Variants in PLA2G5 observed in about 807,000 individuals in gnomAD.
PLA2G5 encodes the protein phospholipase A2 group V.
In PLA2G5, 12 loss-of-function variants were observed where a neutral mutation model predicts 15.9. The ratio of observed to expected loss-of-function variants is 0.76; its 90% CI spans 0.48 to 1.23. The LOEUF is 1.23. Among genes scored for constraint, PLA2G5 ranks in the 50% most tolerant of loss-of-function variants. PLA2G5 has a pLI of 0.00. For synonymous variants in PLA2G5, 71 were observed against 71.4 expected, an observed-to-expected ratio of 0.99 and a Z score of 0.03; for missense variants, 169 against 177.1, an observed-to-expected ratio of 0.95 and a Z score of 0.26.
At chr1:20,087,474 A>G (rs548155950) in intron 3 of PLA2G5, among the ~76,000 whole-genome samples, 9 of 152,160 alleles carry the variant, frequency 5.9e-5, no homozygotes, top group African/African-American at 2.2e-4. Flanking sequence ...GCTCACTGCA[A>G]GCTCCGCCTC....
rs1313921934 is a variant in PLA2G5, at chr1:20,070,272, C to G, written c.-204C>G. ...TCCCCACCTCCGGGTTTGTCCTCAT[C>G]ATCGGTCACTCCCATTCACAGCTTT... On this transcript the variant is annotated 5_prime_UTR_variant, in exon 1 of 5. The change creates a new upstream start codon in the 5' untranslated region. Transcript: ENST00000375108. The G allele has an allele frequency of 2.0e-6, 2 of 985,482 alleles. No homozygotes were observed. Among genetic ancestry groups the G allele is most frequent in the Non-Finnish European group, 2.4e-6 (2 of 829,952 alleles). The allele number at this position is 985,482 out of a possible 1,614,324, so 61.0% of individuals were successfully genotyped here.
intron 1 of PLA2G5, among the ~76,000 whole-genome samples, chr1:20,038,890 C>T (rs2013430251): frequency 6.6e-6 from 1 of 152,210 alleles, no homozygotes; most frequent in Non-Finnish European, 1.5e-5. Flanking sequence ...GCGTCAAGGG[C>T]TTTTGGAGTC....
chr1:20,078,972 A>G (rs2015850423), intron 1 of PLA2G5, among the ~76,000 whole-genome samples: 1 of 152,008 alleles, frequency 6.6e-6, no homozygotes, highest in South Asian at 2.1e-4. Flanking sequence ...TTAGCCAGGC[A>G]TGGTGGTGCC....
intron 1 of PLA2G5, among the ~76,000 whole-genome samples, chr1:20,084,073 A>G (rs1352043405): frequency 6.6e-6 from 1 of 151,960 alleles, no homozygotes; most frequent in African/African-American, 2.4e-5. Context: ...GTCAAAAATA[A>G]TTATGTGAAT....
At chr1:20,034,514 C>A (rs1417716828) in intron 1 of PLA2G5, among the ~76,000 whole-genome samples, 1 of 152,134 alleles carries the variant, frequency 6.6e-6, no homozygotes, top group Non-Finnish European at 1.5e-5. Context: ...AGAAGTAAGA[C>A]CCATCTGGTT....
chr1:20,056,963 A>T (rs2014461504), intron 1 of PLA2G5, among the ~76,000 whole-genome samples: 1 of 152,160 alleles, frequency 6.6e-6, no homozygotes, highest in Non-Finnish European at 1.5e-5. Flanking sequence ...CTTTCAAGGA[A>T]TTGGTCCATT....
chr1:20,047,416 C>A (rs959535673), intron 1 of PLA2G5, among the ~76,000 whole-genome samples: 1 of 151,978 alleles, frequency 6.6e-6, no homozygotes. Flanking sequence ...GAGAATGACT[C>A]CTCTGTGAGC....
At chr1:20,060,863 A>G (rs2014691439) in intron 2 of PLA2G5, among the ~76,000 whole-genome samples, 1 of 150,572 alleles carries the variant, frequency 6.6e-6, no homozygotes, top group South Asian at 2.1e-4. Flanking sequence ...GATTACAGGC[A>G]TGAGCCACCA....
At chr1:20,079,632 TC>T (rs1376631339) in intron 1 of PLA2G5, among the ~76,000 whole-genome samples, 1 of 152,188 alleles carries the variant, frequency 6.6e-6, no homozygotes, top group Non-Finnish European at 1.5e-5. Context: ...CACCTGAGCC[TC>T]CCAGGGTGAG....
upstream of PLA2G5, chr1:20,069,138 A>G: frequency 2.3e-6 from 1 of 433,992 alleles, no homozygotes; most frequent in Non-Finnish European, 4.6e-6. Context: ...CAAATGTGAT[A>G]TTATCAAGTG....
Position 20,062,633 on chromosome 1 carries a change from A to AAAAC in PLA2G5, n.337+2958_337+2961dup, listed in dbSNP as rs558927908. On this transcript the variant is annotated intron_variant and non_coding_transcript_variant, in intron 2 of 6. Transcript: ENST00000460175. ...ACATAGGGAAACCTCGTTAAGTATTAAAACAAACAAACAAACAAACCACCA... is the reference window on the plus strand; with the variant it reads ...ACATAGGGAAACCTCGTTAAGTATTAAAACAAACAAACAAACAAACAAACCACCA... Among the ~76,000 whole-genome samples, 443 of 152,290 alleles carry AAAAC rather than the reference A, an allele frequency of 2.9e-3. 2 individuals carry two copies. Among genetic ancestry groups the AAAAC allele is most frequent in the African/African-American group, 8.3e-3 (347 of 41,566 alleles).
Position 20,089,793 on chromosome 1 carries a change from T to C in PLA2G5, c.190T>C (p.Cys64Arg), listed in dbSNP as rs1284822815. 1 of 1,613,604 alleles carries C rather than the reference T, an allele frequency of 6.2e-7. No homozygotes were observed. Among genetic ancestry groups the C allele is most frequent in the African/African-American group, 1.3e-5 (1 of 74,926 alleles). Residue 64 changes from cysteine to arginine, a missense_variant, in exon 4 of 5, where the codon TGT becomes CGT. Cys to Arg is a radical substitution (Grantham distance 180). Transcript: ENST00000375108. ...CTAAGTCTCTTGCACGGACAGGTGCTGTTGGGCGCATGACCACTGCTATGG... is the reference window on the plus strand; with the variant it reads ...CTAAGTCTCTTGCACGGACAGGTGCCGTTGGGCGCATGACCACTGCTATGG... ...GTPKDGTDWC[C>R]WAHDHCYGRL...
intron 2 of PLA2G5, among the ~76,000 whole-genome samples, chr1:20,061,857 A>T (rs1248785473): frequency 6.6e-6 from 1 of 152,204 alleles, no homozygotes; most frequent in Non-Finnish European, 1.5e-5. Flanking sequence ...GGGGTCTCTA[A>T]GGATAGAGGC....
rs182044782 is a variant in PLA2G5, at chr1:20,036,727, A to G, written n.276+8018A>G. Among the ~76,000 whole-genome samples, 541 of 152,204 alleles carry G rather than the reference A, an allele frequency of 3.6e-3. 2 individuals are homozygous for G. The highest frequency in any genetic ancestry group is 0.012 in the African/African-American group (516 of 41,534). ...GTTGCCCAGGCTGGAGTTCAATGGC[A>G]TGATCTCGACTCACTGCAACCTCTG... On this transcript the variant is annotated intron_variant and non_coding_transcript_variant, in intron 1 of 6. Coordinates refer to the PLA2G5 transcript ENST00000460175.
At chr1:20,040,711 C>T (rs2013542579) in intron 1 of PLA2G5, among the ~76,000 whole-genome samples, 1 of 151,964 alleles carries the variant, frequency 6.6e-6, no homozygotes, top group Non-Finnish European at 1.5e-5. Context: ...ATCTTGAGGC[C>T]CCAAAATCAC....
In PLA2G5 at chr1:20,046,933, G is replaced by A. The variant is rs571431897; in HGVS notation, n.277-12699G>A. On this transcript the variant is annotated intron_variant and non_coding_transcript_variant, in intron 1 of 6. Coordinates refer to the PLA2G5 transcript ENST00000460175. Reference sequence around the variant, plus strand: ...CCCAAAATTAATCTTGAATGAGCTTGTCTGTGTGCATTTGTGTGAGAAACT... The same window carrying A: ...CCCAAAATTAATCTTGAATGAGCTTATCTGTGTGCATTTGTGTGAGAAACT... Among the ~76,000 whole-genome samples, 23 of 152,304 alleles carry A rather than the reference G, an allele frequency of 1.5e-4. 1 individual carries two copies. Among genetic ancestry groups the A allele is most frequent in the African/African-American group, 5.1e-4 (21 of 41,570 alleles).
At chr1:20,081,311 C>T (rs1327699886) in intron 1 of PLA2G5, among the ~76,000 whole-genome samples, 1 of 151,912 alleles carries the variant, frequency 6.6e-6, no homozygotes, top group Non-Finnish European at 1.5e-5. Context: ...CATGCCTCTG[C>T]CACCTCCACC....
At position 20,062,469 on chromosome 1, in the gene PLA2G5, A is replaced by C. The variant is rs534171267; in HGVS notation, n.337+2777A>C. Among the ~76,000 whole-genome samples, 13 of 152,266 alleles carry C rather than the reference A, an allele frequency of 8.5e-5. No homozygotes were observed. In the South Asian group the frequency reaches 2.7e-3, roughly 32 times the overall value. ...CTGGTGGCTTCAGGGGAATCAAAGC[A>C]AGTCCCCACTTCTGTCCTCTCCTGA... is the stretch of plus-strand genomic sequence containing the variant. On this transcript the variant is annotated intron_variant and non_coding_transcript_variant, in intron 2 of 6. Coordinates refer to the PLA2G5 transcript ENST00000460175.
intron 1 of PLA2G5, among the ~76,000 whole-genome samples, chr1:20,043,894 C>T (rs924702345): frequency 2.0e-4 from 31 of 152,192 alleles, no homozygotes; most frequent in Non-Finnish European, 3.5e-4. Context: ...TTACCTGAAG[C>T]TAGGCATGCG....
Sources: gnomAD v4.1 joint callset for allele counts (sites outside exome capture counted in the v4.1 genomes callset) on GRCh38, gnomAD v4.1.1 for gene constraint, MANE v1.5 for transcripts, NCBI Gene and HGNC (gene_info 2026-07-23, HGNC 2026-07-21) for gene names.